The following DPYSL3 variants were observed in gnomAD, a reference collection of about 807,000 sequenced individuals.
DPYSL3 encodes the protein dihydropyrimidinase like 3.
A neutral mutation model predicts 66.1 loss-of-function variants in DPYSL3; 16 were observed. The observed-to-expected ratio is 0.24, with a 90% CI of 0.16 to 0.37. DPYSL3 has a LOEUF of 0.37. Among genes scored for constraint, DPYSL3 ranks in the 10% least tolerant of loss-of-function variants. The pLI is 1.00. For synonymous variants in DPYSL3, 338 were observed against 345.1 expected, an observed-to-expected ratio of 0.98 and a Z score of 0.23; for missense variants, 738 against 916.2, an observed-to-expected ratio of 0.81 and a Z score of 2.51.
At position 147,402,483 on chromosome 5, in the gene DPYSL3, G is replaced by A. The variant is rs372870627; in HGVS notation, c.1154-787C>T. 4.3e-4 allele frequency among the ~76,000 whole-genome samples: 64 copies of A among 148,004 alleles called. 3 individuals are homozygous for A. Among genetic ancestry groups the A allele is most frequent in the East Asian group, 1.2e-3 (6 of 5,156 alleles). On this transcript the variant is annotated intron_variant, in intron 8 of 13. Transcript: ENST00000343218. ...CTGCCTCAGCCTCCCGAGTAGCTGG[G>A]ACTACAGGCGCCCGCCACCACGCCC...
chr5:147,489,034 G>T lies in DPYSL3; in HGVS notation c.381+20444C>A, dbSNP rs568135576. On this transcript the variant is annotated intron_variant, in intron 1 of 13. Transcript: ENST00000343218. ...TCATCTAAAAAAAAAAAAAGAAAAA[G>T]AAAAGAAAAAATATATCATTAGGCA... 2.0e-5 allele frequency among the ~76,000 whole-genome samples: 3 copies of T among 151,516 alleles called. No homozygotes were observed. The East Asian group carries it at 5.8e-4, about 29-fold the overall frequency.
intron 1 of DPYSL3, chr5:147,453,469 G>C (rs1032324991): frequency 2.0e-6 from 3 of 1,472,604 alleles, no homozygotes; most frequent in Middle Eastern, 2.4e-4. Flanking sequence ...AGAAGCCGGC[G>C]GGATCCGAGC....
chr5:147,410,919 G>A (rs1403915426), intron 6 of DPYSL3, among the ~76,000 whole-genome samples: 1 of 152,130 alleles, frequency 6.6e-6, no homozygotes, highest in African/African-American at 2.4e-5. Context: ...TCCCAAGGTA[G>A]GGAAATAGCA....
intron 1 of DPYSL3, among the ~76,000 whole-genome samples, chr5:147,435,235 GC>G (rs1383061368): frequency 6.6e-6 from 1 of 152,162 alleles, no homozygotes; most frequent in African/African-American, 2.4e-5. Flanking sequence ...CGTGGGTATG[GC>G]CAACGGCAAT....
At chr5:147,418,395 C>CG in intron 3 of DPYSL3, 52 bp downstream of exon 3, 17 of 1,506,070 alleles carry the variant, frequency 1.1e-5, no homozygotes, top group Non-Finnish European at 1.5e-5. Flanking sequence ...ATAACACATT[C>CG]ATTAAACACA....
At chr5:147,477,056 C>T (rs1010313952) in intron 1 of DPYSL3, among the ~76,000 whole-genome samples, 3 of 152,112 alleles carry the variant, frequency 2.0e-5, no homozygotes, top group Non-Finnish European at 4.4e-5. Context: ...TCCCTCAAAA[C>T]TTCATGAAAT....
At chr5:147,394,434 G>A (rs553576926) in intron 13 of DPYSL3, among the ~76,000 whole-genome samples, 28 of 152,246 alleles carry the variant, frequency 1.8e-4, no homozygotes, top group African/African-American at 5.8e-4. Flanking sequence ...AATGTTTTCC[G>A]TGCTTAACCA....
chr5:147,453,858 T>A, intron 1 of DPYSL3: 5 of 764,576 alleles, frequency 6.5e-6, no homozygotes, highest in Non-Finnish European at 8.9e-6. Context: ...TTTTTTTTTT[T>A]CTTTTGCTGC....
intron 1 of DPYSL3, among the ~76,000 whole-genome samples, chr5:147,460,384 T>C (rs1752914743): frequency 6.6e-6 from 1 of 152,230 alleles, no homozygotes; most frequent in Non-Finnish European, 1.5e-5. Flanking sequence ...CTATATATGT[T>C]CATGGGTTTG....
intron 7 of DPYSL3, 56 bp from the exon 8 acceptor site, chr5:147,405,786 C>T: frequency 6.4e-7 from 1 of 1,568,892 alleles, no homozygotes; most frequent in Non-Finnish European, 8.6e-7. Flanking sequence ...AAACTGGTGG[C>T]TCCCACCTCC....
At chr5:147,396,601 G>A (rs759239774) in intron 12 of DPYSL3, among the ~76,000 whole-genome samples, 1 of 152,150 alleles carries the variant, frequency 6.6e-6, no homozygotes, top group Non-Finnish European at 1.5e-5. Context: ...CAGAAGCCGA[G>A]CCCATCAAAT....
At chr5:147,472,520 C>T (rs902838255) in intron 1 of DPYSL3, 1 of 152,074 alleles carries the variant, frequency 6.6e-6, no homozygotes, top group Non-Finnish European at 1.5e-5. Context: ...AATGGAAATG[C>T]CTCTGTTTGG....
chr5:147,453,650 G>A, intron 1 of DPYSL3: 2 of 1,501,144 alleles, frequency 1.3e-6, no homozygotes, highest in Non-Finnish European at 1.8e-6. Flanking sequence ...GCTCGCCCGC[G>A]CCTTCCTCAG....
chr5:147,476,669 G>A (rs1753160086), intron 1 of DPYSL3, among the ~76,000 whole-genome samples: 1 of 152,168 alleles, frequency 6.6e-6, no homozygotes, highest in South Asian at 2.1e-4. Flanking sequence ...CATGTATATG[G>A]AGTGATGACA....
chr5:147,503,837 G>A (rs780581449), intron 1 of DPYSL3, among the ~76,000 whole-genome samples: 16 of 152,196 alleles, frequency 1.1e-4, no homozygotes, highest in Non-Finnish European at 2.1e-4. Context: ...TGTACAGCAG[G>A]TTAAAGGTTA....
chr5:147,479,434 G>A lies in DPYSL3; in HGVS notation c.381+30044C>T, dbSNP rs1414847289. On this transcript the variant is annotated intron_variant, in intron 1 of 13. Transcript: ENST00000343218. Reference sequence around the variant, plus strand: ...ACAGGACAACTGTTTAGGAGCGCAAGTCTTGTCAACTCAGTGAAGGACATT... The same window carrying A: ...ACAGGACAACTGTTTAGGAGCGCAAATCTTGTCAACTCAGTGAAGGACATT... 2.6e-5 allele frequency among the ~76,000 whole-genome samples: 4 copies of A among 152,174 alleles called. No homozygotes were observed. In the East Asian group the frequency reaches 5.8e-4, roughly 22 times the overall value.
chr5:147,414,790 G>A (rs1415591899), intron 4 of DPYSL3, among the ~76,000 whole-genome samples: 1 of 152,026 alleles, frequency 6.6e-6, no homozygotes, highest in Non-Finnish European at 1.5e-5. Flanking sequence ...ATCCTCTGAG[G>A]GGGTCATCCT....
intron 1 of DPYSL3, among the ~76,000 whole-genome samples, chr5:147,500,441 G>T (rs929906924): frequency 6.6e-6 from 1 of 151,798 alleles, no homozygotes; most frequent in East Asian, 1.9e-4. Context: ...TGGTGAAATC[G>T]CATATCTACT....
At chr5:147,480,723 ATT>A (rs1753226198) in intron 1 of DPYSL3, among the ~76,000 whole-genome samples, 1 of 147,832 alleles carries the variant, frequency 6.8e-6, no homozygotes. Flanking sequence ...TATTATTATT[ATT>A]ATTATTATTA....
Sources: allele counts gnomAD v4.1 joint callset (sites outside exome capture counted in the v4.1 genomes callset), GRCh38; gene constraint gnomAD v4.1.1; transcripts MANE v1.5; gene names NCBI Gene and HGNC (gene_info 2026-07-23, HGNC 2026-07-21).